MALRD1: variants seen among roughly 807,000 people sequenced by gnomAD.
MALRD1 encodes the protein MAM and LDL-receptor class A domain-containing protein 1.
In MALRD1, 247 loss-of-function variants were observed where a neutral mutation model predicts 242.1. The ratio of observed to expected loss-of-function variants is 1.02; its 90% CI spans 0.92 to 1.13. The LOEUF is 1.13. Among genes scored for constraint, MALRD1 ranks in the 50% most tolerant of loss-of-function variants. The pLI, the probability that MALRD1 is intolerant of heterozygous loss-of-function variation, is 0.00. For missense variants in MALRD1, 2,989 were observed against 2,533.1 expected, an observed-to-expected ratio of 1.18 and a Z score of -3.86; for synonymous variants, 995 against 866.6, an observed-to-expected ratio of 1.15 and a Z score of -2.60.
intron 5 of MALRD1, among the ~76,000 whole-genome samples, chr10:19,119,935 C>T (rs1362282636): frequency 1.3e-5 from 2 of 152,128 alleles, no homozygotes; most frequent in Non-Finnish European, 2.9e-5. Context: ...CTGTCTCAGT[C>T]ATACTTTTGC....
At chr10:19,564,273 A>G (rs1452837601) in intron 32 of MALRD1, among the ~76,000 whole-genome samples, 1 of 152,162 alleles carries the variant, frequency 6.6e-6, no homozygotes, top group Admixed American at 6.5e-5. Context: ...GAGTTTCTTC[A>G]TCAAAAAATT....
chr10:19,447,493 C>CT (rs931385211), intron 28 of MALRD1, among the ~76,000 whole-genome samples: 6 of 151,992 alleles, frequency 3.9e-5, no homozygotes, highest in African/African-American at 7.2e-5. Flanking sequence ...TTATTTGTCT[C>CT]TTTTTTTACT....
intron 21 of MALRD1, among the ~76,000 whole-genome samples, chr10:19,312,427 TGAGA>T (rs1333466573): frequency 1.0e-3 from 151 of 147,142 alleles, no homozygotes; most frequent in East Asian, 8.1e-3. Context: ...TGTGTGTGTG[TGAGA>T]GAGAGAGAGA....
At chr10:19,593,538 C>T (rs1437433788) in intron 33 of MALRD1, among the ~76,000 whole-genome samples, 5 of 152,150 alleles carry the variant, frequency 3.3e-5, no homozygotes. Context: ...CTGTACTGGC[C>T]TCCATTGCTA....
At chr10:19,072,560 A>G (rs1835186531) in intron 2 of MALRD1, among the ~76,000 whole-genome samples, 2 of 152,102 alleles carry the variant, frequency 1.3e-5, no homozygotes, top group South Asian at 2.1e-4. Flanking sequence ...TGTCTGTTCA[A>G]TATAAACATT....
rs199973822 is a variant in MALRD1, at chr10:19,731,492, T to TTGTGTGTGTGTGTGTG, written c.6390+724_6390+739dup. ...TATCTATCACCTCACATAGTTTACT[T>TTGTGTGTGTGTGTGTG]TGTGTGTGTGTGTGTGTGTGTGTGT... On this transcript the variant is annotated intron_variant, in intron 39 of 39. Coordinates refer to ENST00000454679, the MANE Select transcript of MALRD1 (RefSeq NM_001142308.3). 4.9e-3 allele frequency among the ~76,000 whole-genome samples: 719 copies of TTGTGTGTGTGTGTGTG among 146,978 alleles called. 5 individuals carry two copies. Among genetic ancestry groups the TTGTGTGTGTGTGTGTG allele is most frequent in the East Asian group, 0.015 (74 of 5,046 alleles).
chr10:19,126,332 C>T (rs1282986748), intron 7 of MALRD1, among the ~76,000 whole-genome samples: 1 of 152,028 alleles, frequency 6.6e-6, no homozygotes, highest in African/African-American at 2.4e-5. Context: ...ATCTTTTCAT[C>T]TTGAGTTTCT....
At chr10:19,202,005 G>A (rs766859251) in intron 14 of MALRD1, among the ~76,000 whole-genome samples, 2 of 151,746 alleles carry the variant, frequency 1.3e-5, no homozygotes, top group African/African-American at 2.4e-5. Flanking sequence ...TAGTAGAGAC[G>A]GGGTTTCACC....
At chr10:19,136,192 G>A (rs1833329400) in intron 9 of MALRD1, among the ~76,000 whole-genome samples, 1 of 152,044 alleles carries the variant, frequency 6.6e-6, no homozygotes, top group Non-Finnish European at 1.5e-5. Flanking sequence ...TATTTTCCTT[G>A]AAAATGAAAG....
chr10:19,498,810 A>G (rs1837839183), intron 31 of MALRD1, among the ~76,000 whole-genome samples, 164 bp downstream of exon 31: 1 of 152,180 alleles, frequency 6.6e-6, no homozygotes, highest in African/African-American at 2.4e-5. Flanking sequence ...ACTCTGAATT[A>G]CTAAATAGAC....
intron 21 of MALRD1, among the ~76,000 whole-genome samples, chr10:19,322,176 G>T (rs1033969530): frequency 2.0e-5 from 3 of 152,064 alleles, no homozygotes; most frequent in African/African-American, 7.2e-5. Context: ...ATATAGATAT[G>T]TGCATGCAGT....
At chr10:19,510,908 A>G (rs556149761) in intron 31 of MALRD1, among the ~76,000 whole-genome samples, 23 of 152,300 alleles carry the variant, frequency 1.5e-4, no homozygotes, top group African/African-American at 4.3e-4. Flanking sequence ...TACCAGATGT[A>G]TTTATCCGTG....
chr10:19,704,288 G>T (rs7913905), intron 38 of MALRD1, among the ~76,000 whole-genome samples: 85,474 of 152,130 alleles, frequency 0.56, 25,871 homozygotes, highest in African/African-American at 0.8. Context: ...AAGCATTTAA[G>T]TCTCACAGTT....
At chr10:19,611,821 C>G (rs1838912885) in intron 35 of MALRD1, among the ~76,000 whole-genome samples, 1 of 151,982 alleles carries the variant, frequency 6.6e-6, no homozygotes, top group African/African-American at 2.4e-5. Flanking sequence ...AAAGTAGAAA[C>G]TTATAAAATC....
At chr10:19,731,225 T>G (rs1029663236) in intron 39 of MALRD1, among the ~76,000 whole-genome samples, 10 of 152,210 alleles carry the variant, frequency 6.6e-5, no homozygotes, top group Non-Finnish European at 4.4e-5. Context: ...CCTGATAACT[T>G]AGAAGAGAAA....
At chr10:19,526,896 G>A (rs558300769) in intron 31 of MALRD1, among the ~76,000 whole-genome samples, 45 of 152,192 alleles carry the variant, frequency 3.0e-4, no homozygotes, top group Non-Finnish European at 6.0e-4. Flanking sequence ...TTTAGTAGTT[G>A]CTGTCACAAA....
Position 19,463,913 on chromosome 10 carries a change from C to G in MALRD1, c.5029+13423C>G, listed in dbSNP as rs369404365. Among the ~76,000 whole-genome samples, 96 of 152,234 alleles carry G rather than the reference C, an allele frequency of 6.3e-4. No homozygotes were observed. The South Asian group carries it at 0.015, about 24-fold the overall frequency. On this transcript the variant is annotated intron_variant, in intron 29 of 39. Coordinates refer to ENST00000454679, the MANE Select transcript of MALRD1 (RefSeq NM_001142308.3). ...GATTTTTTGATTATGGCCATTCTTGCAGTAGTAAGGTGGTATCACATTGTG... is the reference window on the plus strand; with the variant it reads ...GATTTTTTGATTATGGCCATTCTTGGAGTAGTAAGGTGGTATCACATTGTG...
At chr10:19,284,613 G>T (rs1365993536) in intron 21 of MALRD1, among the ~76,000 whole-genome samples, 2 of 149,966 alleles carry the variant, frequency 1.3e-5, no homozygotes, top group East Asian at 3.9e-4. Context: ...AGTATTCCAT[G>T]GTGTATATGT....
intron 21 of MALRD1, among the ~76,000 whole-genome samples, chr10:19,315,039 T>TAAATATGTAAATATAATTTATAG (rs1842589785): frequency 7.0e-6 from 1 of 142,294 alleles, no homozygotes; most frequent in African/African-American, 2.6e-5. Flanking sequence ...ATAATTTATA[T>TAAATATGTAAATATAATTTATAG]AAATATGTAA....
Sources: gnomAD v4.1 joint callset for allele counts (sites outside exome capture counted in the v4.1 genomes callset) on GRCh38, gnomAD v4.1.1 for gene constraint, MANE v1.5 for transcripts, NCBI Gene and HGNC (gene_info 2026-07-23, HGNC 2026-07-21) for gene names.